EEPD1: variants seen among roughly 807,000 people sequenced by gnomAD.
EEPD1 encodes endonuclease/exonuclease/phosphatase family domain-containing protein 1.
EEPD1 carries 17 observed loss-of-function variants against 46.3 expected under a neutral mutation model. That is an observed-to-expected ratio of 0.37 (90% CI 0.25 to 0.55). EEPD1 has a LOEUF of 0.55. Among genes scored for constraint, EEPD1 ranks in the 20% least tolerant of loss-of-function variants. EEPD1 has a pLI of 0.83. For synonymous variants in EEPD1, 313 were observed against 315.6 expected (o/e 0.99, Z 0.09); for missense variants, 673 against 745.6 (o/e 0.90, Z 1.13).
intron 6 of EEPD1, among the ~76,000 whole-genome samples, chr7:36,295,038 C>G (rs568821513): frequency 3.3e-5 from 5 of 151,948 alleles, no homozygotes; most frequent in African/African-American, 1.2e-4. Flanking sequence ...ATTAGCCAGG[C>G]GTGGTGGTCC....
chr7:36,247,749 A>G (rs1786662512), intron 3 of EEPD1, among the ~76,000 whole-genome samples: 1 of 152,094 alleles, frequency 6.6e-6, no homozygotes. Context: ...ATCTTCTGTG[A>G]TCTCATTTAA....
chr7:36,246,931 G>T (rs1409002036), intron 3 of EEPD1, among the ~76,000 whole-genome samples: 3 of 152,062 alleles, frequency 2.0e-5, no homozygotes, highest in Non-Finnish European at 4.4e-5. Flanking sequence ...TTCGAGACCA[G>T]CCTGGCCGAT....
At chr7:36,253,092 G>C (rs965541027) in intron 3 of EEPD1, among the ~76,000 whole-genome samples, 2 of 151,764 alleles carry the variant, frequency 1.3e-5, no homozygotes, top group Non-Finnish European at 2.9e-5. Flanking sequence ...CAGTAAAGAA[G>C]ATCTACCCCC....
chr7:36,154,991 T>A lies in EEPD1; in HGVS notation c.667T>A (p.Ser223Thr), dbSNP rs1784803911. 6.2e-7 allele frequency: 1 copy of A among 1,612,964 alleles called. No homozygotes were observed. The highest frequency in any genetic ancestry group is 8.5e-7 in the Non-Finnish European group (1 of 1,179,516). Residue 223 changes from serine to threonine, a missense_variant, in exon 2 of 8, where the codon TCC (serine) becomes ACC (threonine). Ser to Thr is a moderately conservative substitution (Grantham distance 58). Transcript: ENST00000242108. The surrounding 1 kb of genome is among the most constrained non-coding windows in gnomAD (Gnocchi z 4.2). ...FTAKPHPSPT[S>T]LSLQSEDLDL... ...CGCCAAGCCTCACCCGAGCCCCACTTCCCTGAGCCTGCAGAGTGAGGACCT... is the reference window on the plus strand; with the variant it reads ...CGCCAAGCCTCACCCGAGCCCCACTACCCTGAGCCTGCAGAGTGAGGACCT...
At chr7:36,162,532 T>C (rs1784915798) in intron 2 of EEPD1, among the ~76,000 whole-genome samples, 1 of 152,216 alleles carries the variant, frequency 6.6e-6, no homozygotes, top group South Asian at 2.1e-4. Context: ...TAGTCCCAGC[T>C]ACTCAGGAGG....
intron 3 of EEPD1, among the ~76,000 whole-genome samples, chr7:36,274,558 T>C (rs1787157347): frequency 1.3e-5 from 2 of 152,248 alleles, no homozygotes; most frequent in Middle Eastern, 3.2e-3. Flanking sequence ...ACTTTCATTT[T>C]TATTTTAAGT....
At chr7:36,233,977 G>T (rs563607693) in intron 2 of EEPD1, among the ~76,000 whole-genome samples, 11 of 152,262 alleles carry the variant, frequency 7.2e-5, no homozygotes, top group African/African-American at 2.4e-4. Context: ...GGAGTGCCTG[G>T]TGTCATCTCA....
intron 6 of EEPD1, 99 bp from the exon 7 acceptor site, chr7:36,296,894 C>A: frequency 8.0e-7 from 1 of 1,245,522 alleles, no homozygotes; most frequent in South Asian, 1.4e-5. Context: ...CCATGGGAGT[C>A]AAGTCAGAGA....
chr7:36,201,452 G>A (rs1785711358), intron 2 of EEPD1, among the ~76,000 whole-genome samples: 1 of 152,170 alleles, frequency 6.6e-6, no homozygotes, highest in Non-Finnish European at 1.5e-5. Flanking sequence ...GTGGGAGCAG[G>A]AAAGGTCTGG....
intron 2 of EEPD1, among the ~76,000 whole-genome samples, chr7:36,187,385 A>G (rs1215355492): frequency 6.6e-6 from 1 of 152,116 alleles, no homozygotes; most frequent in African/African-American, 2.4e-5. Flanking sequence ...CTGTGCCCCC[A>G]TTAAACACTA....
rs543415578 is a variant in EEPD1 at position 36,263,336 on chromosome 7, AG to A, written c.931-17771del. The stretch of plus-strand genomic sequence containing the variant: ...GGCAGAGAACACCCTGTCTCAAGGG[AG>A]GGGGGGGAAAAAGCAGAGTTAATTA... On this transcript the variant is annotated intron_variant, in intron 3 of 7. Transcript: ENST00000242108. Among the ~76,000 whole-genome samples, 95 of 151,550 alleles carry A rather than the reference AG, an allele frequency of 6.3e-4. 1 individual carries two copies. The highest frequency in any genetic ancestry group is 4.6e-3 in the South Asian group (22 of 4,778).
At chr7:36,199,251 G>A (rs546941476) in intron 2 of EEPD1, among the ~76,000 whole-genome samples, 99 of 152,182 alleles carry the variant, frequency 6.5e-4, no homozygotes, top group South Asian at 2.1e-3. Flanking sequence ...TTTCTCCTTT[G>A]GGTATCAGGA....
chr7:36,220,475 T>C (rs1471206595), intron 2 of EEPD1, among the ~76,000 whole-genome samples: 1 of 152,160 alleles, frequency 6.6e-6, no homozygotes, highest in East Asian at 1.9e-4. Context: ...AAGAACCTCA[T>C]GGAAGTTCCA....
At position 36,292,804 on chromosome 7, in the gene EEPD1, G is replaced by A. The variant is rs1239128615; in HGVS notation, c.1316-4189G>A. On this transcript the variant is annotated intron_variant, in intron 6 of 7. Transcript: ENST00000242108. Reference sequence around the variant, plus strand: ...TTACAGGTGTGAGCCACTGTGCCTGGCCTAGAGCCACTGTTTTCTGATATT... The same window carrying A: ...TTACAGGTGTGAGCCACTGTGCCTGACCTAGAGCCACTGTTTTCTGATATT... Among the ~76,000 whole-genome samples, 3 of 152,226 alleles carry A rather than the reference G, an allele frequency of 2.0e-5. No individual in the cohort carries two copies. In the East Asian group the frequency reaches 5.8e-4, roughly 29 times the overall value.
At chr7:36,237,416 C>T (rs1432907814) in intron 2 of EEPD1, among the ~76,000 whole-genome samples, 1 of 152,138 alleles carries the variant, frequency 6.6e-6, no homozygotes, top group Non-Finnish European at 1.5e-5. Context: ...GGATTACAGG[C>T]ATGAGCCACT....
intron 2 of EEPD1, among the ~76,000 whole-genome samples, chr7:36,187,393 C>T (rs1186668650): frequency 2.6e-5 from 4 of 152,146 alleles, no homozygotes; most frequent in South Asian, 4.1e-4. Flanking sequence ...CCATTAAACA[C>T]TAACTTCCCA....
At chr7:36,213,817 T>C (rs1041967323) in intron 2 of EEPD1, among the ~76,000 whole-genome samples, 1 of 152,144 alleles carries the variant, frequency 6.6e-6, no homozygotes, top group African/African-American at 2.4e-5. Context: ...CCCCCCCGGA[T>C]TGTCGGCTCC....
chr7:36,265,264 G>GCTGCCTAGAGCCCGC (rs1329778806), intron 3 of EEPD1, among the ~76,000 whole-genome samples: 1 of 151,912 alleles, frequency 6.6e-6, no homozygotes, highest in East Asian at 1.9e-4. Context: ...TGGGAGCCTG[G>GCTGCCTAGAGCCCGC]CTGCCTAGAG....
At chr7:36,175,447 G>A (rs1018072342) in intron 2 of EEPD1, among the ~76,000 whole-genome samples, 1 of 151,972 alleles carries the variant, frequency 6.6e-6, no homozygotes, top group Non-Finnish European at 1.5e-5. Context: ...GCCCTGGCTG[G>A]TCTCAAACTC....
Sources: allele counts gnomAD v4.1 joint callset (sites outside exome capture counted in the v4.1 genomes callset), GRCh38; gene constraint gnomAD v4.1.1; non-coding constraint Gnocchi (gnomAD v3.1); transcripts MANE v1.5; gene names NCBI Gene and HGNC (gene_info 2026-07-23, HGNC 2026-07-21).